Variants in EPB41L3 observed in about 807,000 individuals in gnomAD.
EPB41L3 encodes the protein erythrocyte membrane protein band 4.1 like 3.
A neutral mutation model predicts 127.1 loss-of-function variants in EPB41L3; 57 were observed. That is an observed-to-expected ratio of 0.45 (90% confidence interval 0.36 to 0.56). The LOEUF (loss-of-function observed/expected upper bound fraction) is 0.56. Ranked by LOEUF, EPB41L3 falls within the 20% of genes least tolerant of loss-of-function variation. EPB41L3 has a pLI of 0.00. For missense variants in EPB41L3, 1,273 were observed against 1,372.2 expected, an observed-to-expected ratio of 0.93 and a Z score of 1.14; for synonymous variants, 572 against 549.5, an observed-to-expected ratio of 1.04 and a Z score of -0.57.
intron 14 of EPB41L3, among the ~76,000 whole-genome samples, chr18:5,408,148 G>A (rs2144064195): frequency 6.6e-6 from 1 of 152,286 alleles, no homozygotes; most frequent in South Asian, 2.1e-4. Context: ...CCCGCCCTAT[G>A]AGGTTAGTGA....
intron 2 of EPB41L3, among the ~76,000 whole-genome samples, chr18:5,484,724 T>C (rs940895130): frequency 6.6e-6 from 1 of 151,780 alleles, no homozygotes; most frequent in South Asian, 2.1e-4. Context: ...TGGCAACAGA[T>C]TGGAAAACCC....
At position 5,565,729 on chromosome 18, in the gene EPB41L3, T is replaced by C. The variant is rs140340509; in HGVS notation, c.-306+46611A>G. ...TGAGAACATGCAGTGTTTGGTTTTTTGTCCTTGCGATAGTTTGCTGAGAAT... is the reference window on the plus strand; with the variant it reads ...TGAGAACATGCAGTGTTTGGTTTTTCGTCCTTGCGATAGTTTGCTGAGAAT... On this transcript the variant is annotated intron_variant, in intron 3 of 21. Transcript: ENST00000545076. Among the ~76,000 whole-genome samples, 388 of 151,478 alleles carry C rather than the reference T, an allele frequency of 2.6e-3. 1 individual carries two copies. The highest frequency in any genetic ancestry group is 4.2e-3 in the Non-Finnish European group (286 of 67,912).
intron 1 of EPB41L3, among the ~76,000 whole-genome samples, chr18:5,519,065 C>G (rs1455661082): frequency 2.0e-5 from 3 of 152,176 alleles, no homozygotes; most frequent in African/African-American, 7.2e-5. Context: ...GATGAAATTA[C>G]AGGACTGATA....
intron 3 of EPB41L3, among the ~76,000 whole-genome samples, chr18:5,459,186 G>A (rs1477477752): frequency 6.6e-6 from 1 of 152,094 alleles, no homozygotes; most frequent in Non-Finnish European, 1.5e-5. Flanking sequence ...TAGTCCCAAC[G>A]ACTCAAGCGG....
At chr18:5,399,817 C>T (rs539894993) in intron 16 of EPB41L3, 1 of 153,990 alleles carries the variant, frequency 6.5e-6, no homozygotes, top group African/African-American at 2.4e-5. Flanking sequence ...AGCTTCCCAA[C>T]ATTCTACAAA....
chr18:5,448,565 G>T (rs960469933), intron 3 of EPB41L3, among the ~76,000 whole-genome samples: 4 of 152,104 alleles, frequency 2.6e-5, no homozygotes, highest in African/African-American at 7.2e-5. Context: ...ATCATTGGGT[G>T]TGGTTACATG....
At chr18:5,537,913 C>G (rs1326873329) in intron 1 of EPB41L3, among the ~76,000 whole-genome samples, 1 of 152,124 alleles carries the variant, frequency 6.6e-6, no homozygotes, top group African/African-American at 2.4e-5. Context: ...ATCACTGATA[C>G]ACAGAATGGA....
rs2093522486 is a variant in EPB41L3, at chr18:5,534,898, C to T, written c.-12+9015G>A. Among the ~76,000 whole-genome samples the T allele has an allele frequency of 2.0e-5, 3 of 152,140 alleles. 1 individual carries two copies. In the South Asian group the frequency reaches 6.2e-4, roughly 32 times the overall value. ...GAGTACTCCTCCCACAGTTACCTAG[C>T]TCAAGGTTAGCAGATGTTTCCATCT... On this transcript the variant is annotated intron_variant, in intron 1 of 22. Transcript: ENST00000341928.
At chr18:5,560,448 G>A (rs1226855661) in intron 3 of EPB41L3, among the ~76,000 whole-genome samples, 1 of 152,126 alleles carries the variant, frequency 6.6e-6, no homozygotes, top group Non-Finnish European at 1.5e-5. Flanking sequence ...AGCTTGATAA[G>A]AGCAACTTTT....
intron 3 of EPB41L3, among the ~76,000 whole-genome samples, chr18:5,557,420 C>T (rs940746508): frequency 2.0e-5 from 3 of 152,154 alleles, no homozygotes; most frequent in African/African-American, 7.2e-5. Context: ...GTCTCACTCT[C>T]TTGCCCAGAC....
At chr18:5,520,945 A>G (rs1232820610) in intron 1 of EPB41L3, among the ~76,000 whole-genome samples, 1 of 152,248 alleles carries the variant, frequency 6.6e-6, no homozygotes, top group Non-Finnish European at 1.5e-5. Context: ...GGCATAAAAA[A>G]CAAACGCAGA....
chr18:5,511,391 GTTTTTTTTTTTTTTT>G (rs1190047630), intron 1 of EPB41L3, among the ~76,000 whole-genome samples: 11 of 59,802 alleles, frequency 1.8e-4, no homozygotes, highest in South Asian at 8.9e-4. Context: ...AGGTATTTTG[GTTTTTTTTTTTTTTT>G]TTTTTTTTTT....
intron 11 of EPB41L3, 151 bp from the exon 12 acceptor site, chr18:5,420,028 C>T: frequency 1.4e-6 from 2 of 1,453,768 alleles, no homozygotes; most frequent in Non-Finnish European, 1.8e-6. Context: ...AAAAAAAATA[C>T]CAACACAAAA....
intron 1 of EPB41L3, among the ~76,000 whole-genome samples, chr18:5,524,130 T>C (rs951081036): frequency 6.6e-6 from 1 of 152,182 alleles, no homozygotes; most frequent in Non-Finnish European, 1.5e-5. Context: ...TTATTTAACT[T>C]TTCTCTGGTC....
intron 16 of EPB41L3, chr18:5,399,620 G>C (rs544251487): frequency 1.7e-5 from 6 of 359,338 alleles, no homozygotes; most frequent in Non-Finnish European, 3.0e-5. Context: ...CTTTAAACTG[G>C]AACATACTTT....
intron 1 of EPB41L3, among the ~76,000 whole-genome samples, chr18:5,513,328 A>G (rs950376878): frequency 1.3e-5 from 2 of 152,200 alleles, no homozygotes; most frequent in East Asian, 1.9e-4. Context: ...CAAATCTACT[A>G]TGTAGAGAAA....
chr18:5,447,448 CTTT>C (rs10694622), intron 3 of EPB41L3, among the ~76,000 whole-genome samples: 10 of 114,098 alleles, frequency 8.8e-5, no homozygotes, highest in African/African-American at 1.3e-4. Context: ...AGCTAGACTA[CTTT>C]TTTTTTTTTT....
chr18:5,483,870 G>C (rs1375249989), intron 2 of EPB41L3, among the ~76,000 whole-genome samples: 1 of 151,264 alleles, frequency 6.6e-6, no homozygotes, highest in Non-Finnish European at 1.5e-5. Context: ...AATAATGGTA[G>C]GGGACTTCAA....
chr18:5,536,585 T>C (rs560577770), intron 1 of EPB41L3, among the ~76,000 whole-genome samples: 2 of 151,258 alleles, frequency 1.3e-5, no homozygotes, highest in African/African-American at 4.9e-5. Context: ...GCAGATCATT[T>C]GAGGTCAGGA....
Sources: allele counts gnomAD v4.1 joint callset (sites outside exome capture counted in the v4.1 genomes callset), GRCh38; gene constraint gnomAD v4.1.1; transcripts MANE v1.5; gene names NCBI Gene and HGNC (gene_info 2026-07-23, HGNC 2026-07-21).